VAT1L: variants seen among roughly 807,000 people sequenced by gnomAD.
VAT1L encodes vesicle amine transport 1 like, also known as putative NADPH-dependent quinone oxidoreductase VAT1L.
Under a neutral mutation model 44.1 loss-of-function variants are expected in VAT1L, and 34 were observed. The observed-to-expected ratio is 0.77, with a 90% CI of 0.59 to 1.03. The LOEUF (loss-of-function observed/expected upper bound fraction) is 1.03. Among genes scored for constraint, VAT1L ranks in the 50% least tolerant of loss-of-function variants. The pLI, the probability that VAT1L is intolerant of heterozygous loss-of-function variation, is 0.00. For synonymous variants in VAT1L, 253 were observed against 202.2 expected, an observed-to-expected ratio of 1.25 and a Z score of -2.13; for missense variants, 615 against 538.8, an observed-to-expected ratio of 1.14 and a Z score of -1.40.
chr16:77,849,956 A>T (rs778843738), intron 3 of VAT1L, among the ~76,000 whole-genome samples: 20 of 152,280 alleles, frequency 1.3e-4, no homozygotes, highest in Non-Finnish European at 7.4e-5. Context: ...GGTACTTTGA[A>T]ATGGAATTGT....
chr16:77,841,344 A>G (rs1032500676), intron 3 of VAT1L, among the ~76,000 whole-genome samples: 9 of 152,202 alleles, frequency 5.9e-5, no homozygotes, highest in Admixed American at 4.6e-4. Flanking sequence ...TGGTCTCCCA[A>G]AGTGCTAGGA....
At chr16:77,809,483 T>C (rs574839387) in intron 1 of VAT1L, among the ~76,000 whole-genome samples, 1 of 152,206 alleles carries the variant, frequency 6.6e-6, no homozygotes, top group East Asian at 1.9e-4. Flanking sequence ...TGGGAACAGC[T>C]GACATTGGGC....
At chr16:77,824,315 A>G (rs2016493390) in intron 2 of VAT1L, among the ~76,000 whole-genome samples, 2 of 152,156 alleles carry the variant, frequency 1.3e-5, no homozygotes, top group Admixed American at 1.3e-4. Flanking sequence ...CTGGTTCTGG[A>G]GAGGAGAGGG....
chr16:77,917,807 T>C (rs2142491150), intron 7 of VAT1L, among the ~76,000 whole-genome samples: 1 of 152,316 alleles, frequency 6.6e-6, no homozygotes, highest in African/African-American at 2.4e-5. Flanking sequence ...TGATTTCTTC[T>C]GCCTTTGAGG....
chr16:77,817,082 T>A, intron 2 of VAT1L, 32 bp downstream of exon 2: 1 of 1,599,748 alleles, frequency 6.3e-7, no homozygotes, highest in Non-Finnish European at 8.5e-7. Context: ...AAGAGTAATA[T>A]TCATTTGGAA....
At chr16:77,900,062 C>T (rs1317574363) in intron 7 of VAT1L, among the ~76,000 whole-genome samples, 1 of 152,190 alleles carries the variant, frequency 6.6e-6, no homozygotes, top group Admixed American at 6.5e-5. Flanking sequence ...TGACTCTACA[C>T]CTTCTATTTG....
At chr16:77,897,154 G>C (rs2017332887) in intron 7 of VAT1L, among the ~76,000 whole-genome samples, 1 of 152,094 alleles carries the variant, frequency 6.6e-6, no homozygotes, top group Non-Finnish European at 1.5e-5. Flanking sequence ...TTGAATCTTG[G>C]GACGTACATT....
chr16:77,969,343 G>C (rs530670310), intron 7 of VAT1L, among the ~76,000 whole-genome samples: 1 of 151,762 alleles, frequency 6.6e-6, no homozygotes, highest in Non-Finnish European at 1.5e-5. Flanking sequence ...AGTTGCTCTG[G>C]TTCAAATGCC....
chr16:77,894,758 T>C (rs998148450), intron 7 of VAT1L, among the ~76,000 whole-genome samples: 1 of 152,148 alleles, frequency 6.6e-6, no homozygotes, highest in Non-Finnish European at 1.5e-5. Context: ...TATGCTAAGA[T>C]AGATATGCTA....
At chr16:77,867,594 A>C (rs1316748107) in intron 4 of VAT1L, among the ~76,000 whole-genome samples, 1 of 152,174 alleles carries the variant, frequency 6.6e-6, no homozygotes, top group Non-Finnish European at 1.5e-5. Context: ...TTGGTGGCTC[A>C]TGCCTGTAAA....
intron 7 of VAT1L, among the ~76,000 whole-genome samples, chr16:77,893,441 G>T (rs1452550162): frequency 6.6e-6 from 1 of 152,228 alleles, no homozygotes; most frequent in Non-Finnish European, 1.5e-5. Flanking sequence ...ATAGACACTG[G>T]TGTGAAAAAG....
At chr16:77,794,576 G>A (rs1051704824) in intron 1 of VAT1L, among the ~76,000 whole-genome samples, 4 of 152,206 alleles carry the variant, frequency 2.6e-5, no homozygotes, top group East Asian at 1.9e-4. Flanking sequence ...TCACCAGTAA[G>A]GTTGATGCAA....
At chr16:77,926,185 G>A (rs199796948) in intron 7 of VAT1L, among the ~76,000 whole-genome samples, 30 of 147,966 alleles carry the variant, frequency 2.0e-4, no homozygotes, top group East Asian at 1.4e-3. Context: ...CCCGGGAGGC[G>A]GAGCTTGCAG....
At chr16:77,935,847 T>C (rs758221462) in intron 7 of VAT1L, among the ~76,000 whole-genome samples, 1 of 152,154 alleles carries the variant, frequency 6.6e-6, no homozygotes. Context: ...ATTCATTAAA[T>C]TGGAGAAATG....
At chr16:77,845,772 C>A (rs2016752640) in intron 3 of VAT1L, among the ~76,000 whole-genome samples, 1 of 152,158 alleles carries the variant, frequency 6.6e-6, no homozygotes, top group African/African-American at 2.4e-5. Context: ...TTTCTATTCA[C>A]CATTTAAATG....
intron 7 of VAT1L, among the ~76,000 whole-genome samples, chr16:77,969,783 A>G (rs1258402233): frequency 6.6e-6 from 1 of 152,110 alleles, no homozygotes; most frequent in Non-Finnish European, 1.5e-5. Flanking sequence ...ACAATATATG[A>G]AGATTCCCGG....
At chr16:77,835,481 C>T (rs1215922667) in intron 3 of VAT1L, among the ~76,000 whole-genome samples, 1 of 152,114 alleles carries the variant, frequency 6.6e-6, no homozygotes, top group Non-Finnish European at 1.5e-5. Flanking sequence ...CCTTCAAGGC[C>T]CCAACTAGCA....
chr16:77,951,037 C>T (rs925453990), intron 7 of VAT1L, among the ~76,000 whole-genome samples: 2 of 152,142 alleles, frequency 1.3e-5, no homozygotes, highest in African/African-American at 2.4e-5. Context: ...GACACAGCAG[C>T]GCCCGCGGTC....
At chr16:77,857,101 G>A (rs544785523) in intron 3 of VAT1L, among the ~76,000 whole-genome samples, 2 of 152,342 alleles carry the variant, frequency 1.3e-5, no homozygotes, top group African/African-American at 4.8e-5. Context: ...GAGAAGGGCA[G>A]ATGTGGTGCA....
Sources: allele counts gnomAD v4.1 joint callset (sites outside exome capture counted in the v4.1 genomes callset), GRCh38; gene constraint gnomAD v4.1.1; transcripts MANE v1.5; gene names NCBI Gene and HGNC (gene_info 2026-07-23, HGNC 2026-07-21).